Variants in RYR2 observed in about 807,000 individuals in gnomAD.
The protein encoded by RYR2 is cardiac muscle ryanodine receptor-calcium release channel.
RYR2 carries 227 observed loss-of-function variants against 601.1 expected under a neutral mutation model. The observed-to-expected ratio is 0.38, with a 90% confidence interval of 0.34 to 0.42. The LOEUF is 0.42. RYR2 is among the 10% of genes least tolerant of loss of function. RYR2 has a pLI of 1.00. For missense variants in RYR2, 4,646 were observed against 6,156.5 expected, an observed-to-expected ratio of 0.75 and a Z score of 8.21; for synonymous variants, 2,223 against 2,175.1, an observed-to-expected ratio of 1.02 and a Z score of -0.61.
chr1:237,742,016 T>C (rs1691651598), intron 79 of RYR2, among the ~76,000 whole-genome samples: 1 of 152,254 alleles, frequency 6.6e-6, no homozygotes, highest in South Asian at 2.1e-4. Context: ...GGCAAATGTA[T>C]GAATAAGTAG....
At position 237,832,877 on chromosome 1, in the gene RYR2, A is replaced by G. The variant is rs28497968; in HGVS notation, c.*230A>G. 4 of 393,146 alleles carry G rather than the reference A, an allele frequency of 1.0e-5. No homozygotes were observed. The highest frequency in any genetic ancestry group is 8.2e-5 in the African/African-American group (4 of 48,928). 24.4% of individuals were successfully genotyped at this position (393,146 alleles called of 1,614,324 possible). A position where few individuals can be genotyped will look rare whatever the true frequency, so the allele number is the denominator to read the frequency against. On this transcript the variant is annotated 3_prime_UTR_variant, in exon 105 of 105. Transcript: ENST00000366574. The stretch of plus-strand genomic sequence containing the variant: ...TCTAAATTCATACTCAGACAAAAAA[A>G]GGAATTCTGGAAAGAAAACCATTCT...
intron 1 of RYR2, among the ~76,000 whole-genome samples, chr1:237,202,177 A>G (rs932834931): frequency 6.6e-6 from 1 of 152,206 alleles, no homozygotes; most frequent in African/African-American, 2.4e-5. Flanking sequence ...TACAATTTGC[A>G]TTAACATTTC....
At position 237,590,933 on chromosome 1, in the gene RYR2, A is replaced by G. The variant is rs376792533; in HGVS notation, c.4101A>G (p.Lys1367=). ...DRVDKDKEAT[K]PEFNNHKDYA... is the part of the protein sequence containing the mutation. ...TTGACAAAGACAAAGAAGCTACTAAACCAGAGTTTAACAACCACAAAGATT... is the reference window on the plus strand; with the variant it reads ...TTGACAAAGACAAAGAAGCTACTAAGCCAGAGTTTAACAACCACAAAGATT... Residue 1367 remains lysine, a synonymous_variant, in exon 31 of 105, where the codon AAA becomes AAG. Coordinates refer to ENST00000366574, the MANE Select transcript of RYR2 (RefSeq NM_001035.3). 27 of 1,613,742 alleles carry G rather than the reference A, an allele frequency of 1.7e-5. 1 individual carries two copies. In the African/African-American group the frequency reaches 2.9e-4, roughly 18 times the overall value.
intron 1 of RYR2, among the ~76,000 whole-genome samples, chr1:237,236,801 C>T (rs558147898): frequency 4.6e-5 from 7 of 152,230 alleles, no homozygotes; most frequent in African/African-American, 1.7e-4. Flanking sequence ...GAATTATCTA[C>T]AATATAAGAT....
intron 67 of RYR2, among the ~76,000 whole-genome samples, chr1:237,705,674 G>C (rs992369462): frequency 6.6e-6 from 1 of 152,126 alleles, no homozygotes; most frequent in Non-Finnish European, 1.5e-5. Context: ...CAGCCTAGAC[G>C]TAATCCCAGG....
chr1:237,792,478 A>G (rs989088776), intron 94 of RYR2, among the ~76,000 whole-genome samples, 155 bp downstream of exon 94: 2 of 151,344 alleles, frequency 1.3e-5, no homozygotes, highest in African/African-American at 4.9e-5. Context: ...CTTTGTGCAC[A>G]AAGTTTCTGA....
intron 3 of RYR2, among the ~76,000 whole-genome samples, chr1:237,350,635 C>A (rs28799909): frequency 0.056 from 3,800 of 67,274 alleles, 185 homozygotes; most frequent in African/African-American, 0.13. Flanking sequence ...ATATATATAT[C>A]TCTGACCTCT....
chr1:237,722,268 A>G (rs1056180174), intron 73 of RYR2, among the ~76,000 whole-genome samples: 1 of 152,074 alleles, frequency 6.6e-6, no homozygotes, highest in African/African-American at 2.4e-5. Flanking sequence ...TCTTGTGTTA[A>G]GGGAAATCTA....
At chr1:237,645,881 G>A (rs1436684581) in intron 48 of RYR2, among the ~76,000 whole-genome samples, 5 of 138,136 alleles carry the variant, frequency 3.6e-5, no homozygotes, top group Non-Finnish European at 6.3e-5. Flanking sequence ...TTTTTTTTTT[G>A]CTTTTTTTTT....
chr1:237,427,448 C>T (rs906948867), intron 12 of RYR2, among the ~76,000 whole-genome samples: 9 of 152,148 alleles, frequency 5.9e-5, no homozygotes, highest in African/African-American at 2.2e-4. Flanking sequence ...TCTAAAACAA[C>T]TTTATTTGGA....
chr1:237,507,576 G>A (rs1336725536), intron 23 of RYR2, among the ~76,000 whole-genome samples: 6 of 152,158 alleles, frequency 3.9e-5, no homozygotes, highest in East Asian at 1.9e-4. Flanking sequence ...TTAATATAAC[G>A]TTAGTAGTAG....
At chr1:237,156,157 T>C (rs540073229) in intron 1 of RYR2, among the ~76,000 whole-genome samples, 40 of 152,328 alleles carry the variant, frequency 2.6e-4, no homozygotes, top group African/African-American at 9.4e-4. Context: ...TCATGTCAAG[T>C]GTTTCTCAAA....
intron 39 of RYR2, among the ~76,000 whole-genome samples, chr1:237,624,959 C>T (rs557169936): frequency 1.4e-5 from 2 of 144,812 alleles, no homozygotes; most frequent in African/African-American, 5.4e-5. Flanking sequence ...GAAAATTATA[C>T]TACATGTGTG....
chr1:237,492,929 A>T, intron 18 of RYR2, 25 bp from the exon 19 acceptor site: 1 of 1,539,968 alleles, frequency 6.5e-7, no homozygotes, highest in Non-Finnish European at 8.8e-7. Context: ...AGGGAGGATC[A>T]GCTGAAAGTA....
intron 10 of RYR2, among the ~76,000 whole-genome samples, chr1:237,409,703 G>A (rs6666845): frequency 0.4 from 61,012 of 151,870 alleles, 13,371 homozygotes; most frequent in East Asian, 0.71. Flanking sequence ...TGAAAGTTGA[G>A]TTTGGATAAA....
chr1:237,827,617 A>ATG (rs1418014449), intron 101 of RYR2, among the ~76,000 whole-genome samples: 106 of 122,902 alleles, frequency 8.6e-4, no homozygotes, highest in Middle Eastern at 9.1e-3. Context: ...GTGACAGAGC[A>ATG]AGACTGTCTC....
At chr1:237,592,219 T>C (rs1229681361) in intron 32 of RYR2, among the ~76,000 whole-genome samples, 1 of 152,208 alleles carries the variant, frequency 6.6e-6, no homozygotes, top group Admixed American at 6.5e-5. Flanking sequence ...TTTGCTCCCT[T>C]CCATTTTAAA....
chr1:237,218,332 A>T (rs917213897), intron 1 of RYR2, among the ~76,000 whole-genome samples: 2 of 152,196 alleles, frequency 1.3e-5, no homozygotes, highest in Admixed American at 6.5e-5. Flanking sequence ...ATTGAGGAAT[A>T]CTGTGAACTG....
chr1:237,788,672 A>T (rs1341853224), intron 92 of RYR2, among the ~76,000 whole-genome samples: 2 of 152,220 alleles, frequency 1.3e-5, no homozygotes, highest in Non-Finnish European at 2.9e-5. Context: ...GCCACTTTCC[A>T]TTGATAATAA....
Sources: gnomAD v4.1 joint callset for allele counts (sites outside exome capture counted in the v4.1 genomes callset) on GRCh38, gnomAD v4.1.1 for gene constraint, MANE v1.5 for transcripts, NCBI Gene and HGNC (gene_info 2026-07-23, HGNC 2026-07-21) for gene names.